GPHN: variants seen among roughly 807,000 people sequenced by gnomAD.
GPHN encodes the protein gephyrin.
A neutral mutation model predicts 95.5 loss-of-function variants in GPHN; 17 were observed. The observed-to-expected ratio is 0.18, with a 90% CI of 0.12 to 0.27. The LOEUF (loss-of-function observed/expected upper bound fraction) is 0.27. Ranked by LOEUF, GPHN falls within the 10% of genes least tolerant of loss-of-function variation. The probability of loss-of-function intolerance (pLI) is 1.00; values close to 1 mark genes in which losing one functional copy is unlikely to be tolerated. For synonymous variants in GPHN, 320 were observed against 322.5 expected (o/e 0.99, Z 0.08); for missense variants, 660 against 978.1 (o/e 0.67, Z 4.34).
chr14:66,760,947 A>T, intron 2 of GPHN: 1 of 741,520 alleles, frequency 1.3e-6, no homozygotes, highest in Non-Finnish European at 2.3e-6. Context: ...TTTTGCAGGC[A>T]AAGGGAAGCA....
chr14:66,617,736 T>A (rs1044561589), intron 1 of GPHN, among the ~76,000 whole-genome samples: 29 of 152,204 alleles, frequency 1.9e-4, no homozygotes, highest in African/African-American at 6.8e-4. Context: ...TATTGAATTT[T>A]ATTATTTTTT....
chr14:67,315,422 G>A, the GPHN span, among the ~76,000 whole-genome samples: 4 of 151,594 alleles, frequency 2.6e-5, no homozygotes, highest in African/African-American at 9.7e-5. Flanking sequence ...GACTACAGGT[G>A]CCCACCACCA....
rs1389880553 is a variant in GPHN, at chr14:67,033,097, A to G, written c.1006+9422A>G. On this transcript the variant is annotated intron_variant, in intron 10 of 22. Transcript: ENST00000478722. ...GTTAGAAACTATTAAAAAAGAACCA[A>G]AGAGAAATTCTGGAGCCAAAGGATA... Among the ~76,000 whole-genome samples the G allele has an allele frequency of 2.6e-5, 4 of 152,188 alleles. No individual in the cohort carries two copies. In the East Asian group the frequency reaches 7.7e-4, roughly 29 times the overall value.
At chr14:67,181,893 G>A (rs953042135), downstream of GPHN, 3 of 166,648 alleles carry the variant, frequency 1.8e-5, no homozygotes, top group African/African-American at 7.2e-5. Context: ...GGTTAAGATG[G>A]CCTACCAAGA....
At chr14:67,184,360 G>C (rs1224934904), downstream of GPHN, among the ~76,000 whole-genome samples, 1 of 152,170 alleles carries the variant, frequency 6.6e-6, no homozygotes, top group Non-Finnish European at 1.5e-5. Context: ...AAACGCTTTG[G>C]CAGCCTTGAG....
the GPHN span, among the ~76,000 whole-genome samples, chr14:67,202,612 T>TAA: frequency 2.0e-5 from 3 of 152,190 alleles, no homozygotes; most frequent in Non-Finnish European, 4.4e-5. Flanking sequence ...TGGAATTTAT[T>TAA]AATTGGCTCT....
At chr14:66,711,160 A>G (rs2069581478) in intron 2 of GPHN, among the ~76,000 whole-genome samples, 1 of 152,098 alleles carries the variant, frequency 6.6e-6, no homozygotes. Context: ...AGCAGTATAC[A>G]CTGCACCCTA....
chr14:67,089,952 T>C (rs1200014380), intron 12 of GPHN, among the ~76,000 whole-genome samples: 1 of 152,178 alleles, frequency 6.6e-6, no homozygotes, highest in African/African-American at 2.4e-5. Context: ...TACAACATGA[T>C]ATTTTAAAAT....
At chr14:67,428,769 T>A in the GPHN span, among the ~76,000 whole-genome samples, 1 of 152,228 alleles carries the variant, frequency 6.6e-6, no homozygotes, top group African/African-American at 2.4e-5. Flanking sequence ...CCTGGCCTCC[T>A]TCCTTTAGTA....
At chr14:67,711,289 G>A in the GPHN span, among the ~76,000 whole-genome samples, 2 of 152,264 alleles carry the variant, frequency 1.3e-5, no homozygotes, top group Non-Finnish European at 1.5e-5. Flanking sequence ...TAATCCCTAT[G>A]CCAAATTTTG....
the GPHN span, among the ~76,000 whole-genome samples, chr14:67,684,236 T>C: frequency 2.0e-5 from 3 of 152,206 alleles, no homozygotes; most frequent in Non-Finnish European, 4.4e-5. Flanking sequence ...CCAATCTTAA[T>C]GCTATTTTCA....
At chr14:67,592,813 T>TA in the GPHN span, 1 of 806,506 alleles carries the variant, frequency 1.2e-6, no homozygotes, top group South Asian at 1.6e-5. Context: ...TGAGACAGAG[T>TA]CTCTCTCTGT....
chr14:67,266,006 A>G, the GPHN span, among the ~76,000 whole-genome samples: 1 of 152,152 alleles, frequency 6.6e-6, no homozygotes, highest in African/African-American at 2.4e-5. Context: ...ACAAGGTCTC[A>G]CTGTGTTGCC....
At chr14:66,793,651 T>C (rs2060053740) in intron 3 of GPHN, among the ~76,000 whole-genome samples, 1 of 152,130 alleles carries the variant, frequency 6.6e-6, no homozygotes, top group Non-Finnish European at 1.5e-5. Context: ...ATATGTAGTA[T>C]GTGTAGTAAT....
chr14:66,655,661 C>T (rs970685951), intron 1 of GPHN, among the ~76,000 whole-genome samples: 1 of 145,774 alleles, frequency 6.9e-6, no homozygotes, highest in Non-Finnish European at 1.5e-5. Context: ...GAGCATATAT[C>T]TTTTTTTTTT....
At chr14:67,502,580 G>GT in the GPHN span, among the ~76,000 whole-genome samples, 1 of 150,126 alleles carries the variant, frequency 6.7e-6, no homozygotes, top group East Asian at 2.0e-4. Flanking sequence ...AGCCTCCTGA[G>GT]TAGCTGGGAT....
At chr14:67,586,553 G>A in the GPHN span, 22 of 574,130 alleles carry the variant, frequency 3.8e-5, no homozygotes, top group Non-Finnish European at 5.8e-5. Context: ...GGGGAAGACC[G>A]CAAAAAGACC....
At chr14:66,590,400 A>T (rs2061589783) in intron 1 of GPHN, among the ~76,000 whole-genome samples, 1 of 152,190 alleles carries the variant, frequency 6.6e-6, no homozygotes, top group African/African-American at 2.4e-5. Flanking sequence ...AACAAAATAG[A>T]TCGAAAGCCA....
At chr14:67,620,918 C>A in the GPHN span, 2 of 1,614,128 alleles carry the variant, frequency 1.2e-6, no homozygotes, top group Non-Finnish European at 8.5e-7. Context: ...GGAGCATGGT[C>A]CCGCTGCCAT....
Sources: allele counts gnomAD v4.1 joint callset (sites outside exome capture counted in the v4.1 genomes callset), GRCh38; gene constraint gnomAD v4.1.1; transcripts MANE v1.5; gene names NCBI Gene and HGNC (gene_info 2026-07-23, HGNC 2026-07-21).